Variants in ARK2N observed in about 807,000 individuals in gnomAD.
ARK2N encodes arkadia (RNF111) N-terminal like PKA signaling regulator 2N, also known as protein ARK2N.
chr18:46,222,921 TTG>T, the ARK2N span, among the ~76,000 whole-genome samples: 1 of 152,288 alleles, frequency 6.6e-6, no homozygotes, highest in South Asian at 2.1e-4. Context: ...ACTCTTGGTG[TTG>T]TAAGTTCTGT....
chr18:46,236,736 G>C, the ARK2N span, among the ~76,000 whole-genome samples: 3 of 152,160 alleles, frequency 2.0e-5, no homozygotes, highest in Non-Finnish European at 1.5e-5. Context: ...TGTTTTAGTA[G>C]CATAGAGGAA....
chr18:46,253,828 G>A, the ARK2N span: 2 of 1,599,158 alleles, frequency 1.3e-6, no homozygotes, highest in Non-Finnish European at 8.5e-7. Context: ...TGCAAGGTAG[G>A]ATACTAATTG....
chr18:46,263,011 C>T, the ARK2N span: 1 of 1,614,146 alleles, frequency 6.2e-7, no homozygotes, highest in Admixed American at 1.7e-5. Flanking sequence ...TAGCACCAGG[C>T]AAACACAGTC....
chr18:46,250,627 A>C, the ARK2N span, among the ~76,000 whole-genome samples: 189 of 151,700 alleles, frequency 1.2e-3, 1 homozygote, highest in African/African-American at 4.1e-3. Context: ...CCTGCTTGCT[A>C]TCAGTTTCAT....
chr18:46,227,863 G>T, the ARK2N span, among the ~76,000 whole-genome samples: 1 of 152,172 alleles, frequency 6.6e-6, no homozygotes, highest in Non-Finnish European at 1.5e-5. Flanking sequence ...CTCCCAAAGT[G>T]CTGGGATTAT....
chr18:46,241,564 A>G, the ARK2N span, among the ~76,000 whole-genome samples: 3 of 152,052 alleles, frequency 2.0e-5, no homozygotes, highest in African/African-American at 7.2e-5. Flanking sequence ...TCTATTAACA[A>G]TACAAAAATT....
the ARK2N span, among the ~76,000 whole-genome samples, chr18:46,178,071 G>T: frequency 1.3e-5 from 2 of 152,158 alleles, no homozygotes; most frequent in Non-Finnish European, 2.9e-5. Context: ...GTTCGAGTTG[G>T]ATTTCCAGGT....
the ARK2N span, among the ~76,000 whole-genome samples, chr18:46,249,288 G>T: frequency 2.6e-5 from 4 of 151,898 alleles, no homozygotes; most frequent in East Asian, 5.8e-4. Flanking sequence ...GGAGTGCAGC[G>T]GCGCCATCTC....
chr18:46,197,242 C>T, the ARK2N span, among the ~76,000 whole-genome samples: 3 of 151,996 alleles, frequency 2.0e-5, no homozygotes, highest in African/African-American at 4.8e-5. Context: ...GCCCAAAAGT[C>T]GTGTCCCTTT....
At chr18:46,235,540 G>A in the ARK2N span, among the ~76,000 whole-genome samples, 2 of 152,194 alleles carry the variant, frequency 1.3e-5, no homozygotes, top group Admixed American at 6.5e-5. Context: ...CCATAACTCC[G>A]TGAAGACACT....
chr18:46,255,429 G>T, the ARK2N span, among the ~76,000 whole-genome samples: 684 of 127,000 alleles, frequency 5.4e-3, 2 homozygotes, highest in East Asian at 0.034. Context: ...TCTTTTCTTT[G>T]CTTTTCTTTT....
chr18:46,190,426 T>TAAACCCGGGAGGCAGAGGTG, the ARK2N span, among the ~76,000 whole-genome samples: 3 of 18,570 alleles, frequency 1.6e-4, no homozygotes, highest in Non-Finnish European at 1.6e-4. Context: ...AGTCTGAGGT[T>TAAACCCGGGAGGCAGAGGTG]GCGGTGAGCT....
chr18:46,252,517 G>A, the ARK2N span, among the ~76,000 whole-genome samples: 17 of 152,088 alleles, frequency 1.1e-4, no homozygotes, highest in African/African-American at 3.1e-4. Context: ...CTTGTGATCC[G>A]CCCACCTTGG....
chr18:46,181,988 C>G, the ARK2N span, among the ~76,000 whole-genome samples: 1 of 152,114 alleles, frequency 6.6e-6, no homozygotes, highest in African/African-American at 2.4e-5. Context: ...TATTTTTTTA[C>G]TGAGTTGACT....
the ARK2N span, among the ~76,000 whole-genome samples, chr18:46,185,590 A>C: frequency 2.0e-5 from 3 of 152,320 alleles, no homozygotes; most frequent in East Asian, 5.8e-4. Flanking sequence ...TAGGTCCACA[A>C]TAATGTTTGA....
the ARK2N span, chr18:46,232,236 A>G: frequency 5.7e-4 from 87 of 152,344 alleles, no homozygotes; most frequent in Non-Finnish European, 1.1e-3. Flanking sequence ...AAAGATGGCA[A>G]ACAGGCTTTG....
At chr18:46,249,995 C>G in the ARK2N span, among the ~76,000 whole-genome samples, 1 of 152,004 alleles carries the variant, frequency 6.6e-6, no homozygotes, top group African/African-American at 2.4e-5. Context: ...TTCCCCGCCC[C>G]CCTCGCCCCA....
the ARK2N span, among the ~76,000 whole-genome samples, chr18:46,250,689 C>T: frequency 6.6e-6 from 1 of 152,168 alleles, no homozygotes. Context: ...ATGACGTCAC[C>T]CCTCTGCTTA....
the ARK2N span, among the ~76,000 whole-genome samples, chr18:46,254,050 T>C: frequency 6.6e-6 from 1 of 152,256 alleles, no homozygotes; most frequent in Middle Eastern, 3.2e-3. Flanking sequence ...CATACATGTC[T>C]GTGAACTAGA....
Sources: allele counts gnomAD v4.1 joint callset (sites outside exome capture counted in the v4.1 genomes callset), GRCh38; gene constraint gnomAD v4.1.1; transcripts MANE v1.5; gene names NCBI Gene and HGNC (gene_info 2026-07-23, HGNC 2026-07-21).